TRIOBP: variants seen among roughly 807,000 people sequenced by gnomAD.
The protein encoded by TRIOBP is TRIO and F-actin binding protein.
In TRIOBP, 169 loss-of-function variants were observed where a neutral mutation model predicts 238.8. The ratio of observed to expected loss-of-function variants is 0.71; its 90% CI spans 0.62 to 0.80. TRIOBP has a LOEUF of 0.80. TRIOBP is among the 30% of genes least tolerant of loss of function. The probability of loss-of-function intolerance (pLI) is 0.00; values close to 1 mark genes in which losing one functional copy is unlikely to be tolerated. For missense variants in TRIOBP, 2,838 were observed against 3,122.6 expected, an observed-to-expected ratio of 0.91 and a Z score of 2.17; for synonymous variants, 1,150 against 1,274.4, an observed-to-expected ratio of 0.90 and a Z score of 2.08.
At chr22:37,754,304 G>A (rs954553179) in intron 12 of TRIOBP, among the ~76,000 whole-genome samples, 1 of 151,892 alleles carries the variant, frequency 6.6e-6, no homozygotes, top group African/African-American at 2.4e-5. Flanking sequence ...CCAGCTACTC[G>A]GGAGGCTAAG....
At chr22:37,773,363 C>A (rs1189833176) in intron 23 of TRIOBP, among the ~76,000 whole-genome samples, 2 of 152,088 alleles carry the variant, frequency 1.3e-5, no homozygotes, top group East Asian at 3.9e-4. Context: ...GGACCACAGG[C>A]CCTCACCACC....
At chr22:37,743,133 G>A (rs1421746732) in intron 11 of TRIOBP, among the ~76,000 whole-genome samples, 1 of 152,228 alleles carries the variant, frequency 6.6e-6, no homozygotes, top group East Asian at 1.9e-4. Context: ...GGCTTGGTGA[G>A]GTTGGCTACA....
At chr22:37,766,638 G>A (rs1926506842) in intron 18 of TRIOBP, among the ~76,000 whole-genome samples, 1 of 152,230 alleles carries the variant, frequency 6.6e-6, no homozygotes, top group African/African-American at 2.4e-5. Context: ...ATAGCCTCAT[G>A]TCCGTTCAGG....
At chr22:37,700,671 G>A (rs766430102) in intron 2 of TRIOBP, among the ~76,000 whole-genome samples, 13 of 151,920 alleles carry the variant, frequency 8.6e-5, no homozygotes, top group Non-Finnish European at 1.6e-4. Flanking sequence ...CGCCCGCAAT[G>A]GGCCCAGCTG....
chr22:37,755,950 C>T (rs1925898469), intron 15 of TRIOBP, among the ~76,000 whole-genome samples: 1 of 152,142 alleles, frequency 6.6e-6, no homozygotes, highest in African/African-American at 2.4e-5. Flanking sequence ...GCCGTGGGGG[C>T]CGTGTCTAAG....
At chr22:37,717,299 A>G (rs755761576) in intron 6 of TRIOBP, among the ~76,000 whole-genome samples, 1 of 152,190 alleles carries the variant, frequency 6.6e-6, no homozygotes, top group Non-Finnish European at 1.5e-5. Context: ...GTGTGGACCC[A>G]AAGAGTGAGC....
chr22:37,757,367 A>G (rs536125981), intron 15 of TRIOBP, among the ~76,000 whole-genome samples: 1 of 152,220 alleles, frequency 6.6e-6, no homozygotes, highest in Non-Finnish European at 1.5e-5. Flanking sequence ...TGTCCCTTGA[A>G]AAACAAAAAC....
rs1924596870 is a variant in TRIOBP at position 37,734,949 on chromosome 22, G to C, written c.4613G>C (p.Gly1538Ala). The change falls in exon 9 of 24, where the codon GGC becomes GCC. Residue 1538 changes from glycine (G) to alanine (A), a missense_variant. Gly to Ala is a moderately conservative substitution (Grantham distance 60). Coordinates refer to ENST00000644935, the MANE Select transcript of TRIOBP (RefSeq NM_001039141.3). Reference sequence around the variant, plus strand: ...CACTCTGGGACACCCACTGCTGTGGGCTGGGGGGCAGAGGGAGCGTGTCCA... The same window carrying C: ...CACTCTGGGACACCCACTGCTGTGGCCTGGGGGGCAGAGGGAGCGTGTCCA... ...SWHSGTPTAVGWGAEGACPYP... is the reference protein window; with the variant it reads ...SWHSGTPTAVAWGAEGACPYP... 6.2e-7 allele frequency: 1 copy of C among 1,613,358 alleles called. No individual in the cohort carries two copies. Among genetic ancestry groups the C allele is most frequent in the Admixed American group, 1.7e-5 (1 of 60,008 alleles).
chr22:37,724,875 C>T lies in TRIOBP; in HGVS notation c.2319C>T (p.Thr773=). ...IQQENLRTSC[T]RQDNPRTSSP... is the part of the protein sequence containing the mutation. Reference sequence around the variant, plus strand: ...AAGAGAACCTCAGAACATCCTGTACCCGACAGGACAATCCCAGGACCTCCT... The same window carrying T: ...AAGAGAACCTCAGAACATCCTGTACTCGACAGGACAATCCCAGGACCTCCT... Residue 773 remains threonine (T), a synonymous_variant, in exon 7 of 24, where the codon ACC becomes ACT. Coordinates refer to ENST00000644935, the MANE Select transcript of TRIOBP (RefSeq NM_001039141.3). The T allele has an allele frequency of 2.5e-6, 4 of 1,611,296 alleles. No homozygotes were observed. Among genetic ancestry groups the T allele is most frequent in the Non-Finnish European group, 3.4e-6 (4 of 1,179,516 alleles).
At chr22:37,721,332 C>A (rs1421968059) in intron 6 of TRIOBP, among the ~76,000 whole-genome samples, 2 of 152,088 alleles carry the variant, frequency 1.3e-5, no homozygotes, top group African/African-American at 4.8e-5. Context: ...ATTTTGAATT[C>A]CCTGCTAGGT....
At chr22:37,764,734 C>T (rs1191275655) in intron 17 of TRIOBP, among the ~76,000 whole-genome samples, 1 of 152,200 alleles carries the variant, frequency 6.6e-6, no homozygotes, top group Non-Finnish European at 1.5e-5. Context: ...GATACTTGCC[C>T]ATCTTGTCTA....
intron 6 of TRIOBP, among the ~76,000 whole-genome samples, chr22:37,719,786 C>A (rs1164466756): frequency 6.6e-6 from 1 of 151,974 alleles, no homozygotes; most frequent in African/African-American, 2.4e-5. Flanking sequence ...ATCTGATGCC[C>A]CACATCCCAG....
At chr22:37,736,714 G>A (rs897064301) in intron 9 of TRIOBP, among the ~76,000 whole-genome samples, 3 of 152,020 alleles carry the variant, frequency 2.0e-5, no homozygotes, top group Admixed American at 6.6e-5. Flanking sequence ...TGCAACCTCC[G>A]CCCCCCAGGT....
chr22:37,767,628 A>G (rs1347440962), intron 18 of TRIOBP, among the ~76,000 whole-genome samples: 1 of 152,200 alleles, frequency 6.6e-6, no homozygotes, highest in Non-Finnish European at 1.5e-5. Flanking sequence ...ACATCGGTTT[A>G]TGCTGACTGT....
Position 37,734,835 on chromosome 22 carries a change from A to T in TRIOBP, c.4499A>T (p.His1500Leu), listed in dbSNP as rs995767093. The T allele has an allele frequency of 6.2e-7, 1 of 1,612,706 alleles. No homozygotes were observed. Among genetic ancestry groups the T allele is most frequent in the Non-Finnish European group, 8.5e-7 (1 of 1,179,914 alleles). ...QPEAWEEKPT[H>L]ELPRELGKRS... ...GAGGCCTGGGAGGAGAAGCCCACTCATGAGCTCCCCAGAGAACTAGGAAAG... is the reference window on the plus strand; with the variant it reads ...GAGGCCTGGGAGGAGAAGCCCACTCTTGAGCTCCCCAGAGAACTAGGAAAG... Residue 1500 changes from histidine to leucine, a missense_variant, in exon 9 of 24, where the codon CAT (histidine) becomes CTT (leucine). By Grantham distance (99) the His-to-Leu change is moderately conservative. Transcript: ENST00000644935.
rs755034591 is a variant in TRIOBP, at chr22:37,725,516, G to A, written c.2960G>A (p.Ser987Asn). Residue 987 changes from serine (S) to asparagine (N), a missense_variant, in exon 7 of 24, where the codon AGC becomes AAC. By Grantham distance (46) the Ser-to-Asn change is conservative. Transcript: ENST00000644935. ...TCCTCCCATAACCCAGGCCACCAGA[G>A]CACCTCCCGAACTTCCTCACCTGTG... ...TSSSHNPGHQ[S>N]TSRTSSPVYP... 6.8e-6 allele frequency: 11 copies of A among 1,613,300 alleles called. No individual in the cohort carries two copies. Among genetic ancestry groups the A allele is most frequent in the African/African-American group, 1.3e-5 (1 of 74,834 alleles).
intron 6 of TRIOBP, among the ~76,000 whole-genome samples, 176 bp downstream of exon 6, chr22:37,716,110 A>AATT (rs964501224): frequency 1.3e-5 from 2 of 151,978 alleles, no homozygotes; most frequent in African/African-American, 2.4e-5. Flanking sequence ...TACCCACTTT[A>AATT]ATTATTATTA....
Position 37,759,188 on chromosome 22 carries a change from G to A in TRIOBP, c.6248G>A (p.Arg2083His), listed in dbSNP as rs185791823. 129 of 1,612,946 alleles carry A rather than the reference G, an allele frequency of 8.0e-5. No individual in the cohort carries two copies. In the East Asian group the frequency reaches 8.9e-4, roughly 11 times the overall value. ...QALRAQLEAW[R>H]LQGEAPQSAL... ...CTTCGGGCCCAGCTGGAGGCGTGGC[G>A]TCTCCAAGGGGAGGCTCCTCAGAGT... The change falls in exon 17 of 24, where the codon CGT (arginine) becomes CAT (histidine). Residue 2083 changes from arginine (R) to histidine (H), a missense_variant. Around this residue, in one of 5 missense-constraint regions of TRIOBP, gnomAD observed 2,096 missense variants for 2,137.4 expected, o/e 0.98. Coordinates refer to ENST00000644935, the MANE Select transcript of TRIOBP (RefSeq NM_001039141.3).
At chr22:37,710,853 C>T (rs891068153) in intron 4 of TRIOBP, among the ~76,000 whole-genome samples, 2 of 152,316 alleles carry the variant, frequency 1.3e-5, no homozygotes, top group East Asian at 1.9e-4. Context: ...CTCCCAAGAC[C>T]GAGCTCAGCT....
Sources: allele counts gnomAD v4.1 joint callset (sites outside exome capture counted in the v4.1 genomes callset), GRCh38; gene constraint gnomAD v4.1.1; regional missense constraint gnomAD v4.1.1; transcripts MANE v1.5; gene names NCBI Gene and HGNC (gene_info 2026-07-23, HGNC 2026-07-21).